Variants in INSR observed in about 807,000 individuals in gnomAD.
INSR encodes the protein insulin receptor, also known as IR.
INSR carries 67 observed loss-of-function variants against 142.6 expected under a neutral mutation model. The observed-to-expected ratio is 0.47, with a 90% CI of 0.39 to 0.58. The LOEUF is 0.58. Ranked by LOEUF, INSR falls within the 20% of genes least tolerant of loss-of-function variation. The pLI is 0.00. For missense variants in INSR, 1,248 were observed against 1,833.2 expected (o/e 0.68, Z 5.83); for synonymous variants, 756 against 743.1 (o/e 1.02, Z -0.28).
rs1277506999 is a variant in INSR, at chr19:7,184,474, G to A, written c.816C>T (p.Tyr272=). The A allele has an allele frequency of 1.2e-6, 2 of 1,613,958 alleles. No homozygotes were observed. Among genetic ancestry groups the A allele is most frequent in the Non-Finnish European group, 1.7e-6 (2 of 1,180,024 alleles). ...GRCVETCPPP[Y]YHFQDWRCVN... ...CACAGCGCCAGTCCTGGAAGTGGTA[G>A]TACGGGGGCGGGCAGGTCTCCACAC... The change falls in exon 3 of 22, where the codon TAC becomes TAT. Residue 272 remains tyrosine (Y), a synonymous_variant. Transcript: ENST00000302850.
In INSR at chr19:7,119,888, G is replaced by GCACACACATA. The variant is rs1972445358; in HGVS notation, c.3660-315_3660-306dup. ...TGCAAACACACACAAACACACATAT[G>GCACACACATA]CACACACATACACACACAAACACAC... is the stretch of plus-strand genomic sequence containing the variant. On this transcript the variant is annotated intron_variant, in intron 20 of 21. Transcript: ENST00000302850. The surrounding 1 kb of genome is among the most constrained non-coding windows in gnomAD (Gnocchi z 5.2). Among the ~76,000 whole-genome samples the GCACACACATA allele has an allele frequency of 6.6e-6, 1 of 150,814 alleles. No homozygotes were observed. The highest frequency in any genetic ancestry group is 6.6e-5 in the Admixed American group (1 of 15,152).
chr19:7,195,985 G>C (rs1171919534), intron 2 of INSR, among the ~76,000 whole-genome samples: 1 of 150,788 alleles, frequency 6.6e-6, no homozygotes, highest in Non-Finnish European at 1.5e-5. Flanking sequence ...GCCCAGGCTG[G>C]AGTGCAATGG....
At chr19:7,193,109 T>TC (rs2145015545) in intron 2 of INSR, among the ~76,000 whole-genome samples, 1 of 141,904 alleles carries the variant, frequency 7.0e-6, no homozygotes, top group South Asian at 2.2e-4. Flanking sequence ...ATGCAGTATT[T>TC]CTTTTTTTTC....
intron 1 of INSR, among the ~76,000 whole-genome samples, chr19:7,274,651 A>G (rs1306526320): frequency 6.6e-6 from 1 of 151,712 alleles, no homozygotes; most frequent in Non-Finnish European, 1.5e-5. Flanking sequence ...ATACAAAAAA[A>G]AAATAGCTGG....
chr19:7,290,931 G>A (rs1398930322), intron 1 of INSR, among the ~76,000 whole-genome samples: 2 of 151,990 alleles, frequency 1.3e-5, no homozygotes, highest in Non-Finnish European at 2.9e-5. Flanking sequence ...ATAAGCCGGT[G>A]TTGTGGAACA....
Position 7,116,700 on chromosome 19 carries a change from C to CA in INSR, c.*355dup, listed in dbSNP as rs71177157. The CA allele has an allele frequency of 0.011, 569 of 50,504 alleles. 16 individuals are homozygous for CA. Among genetic ancestry groups the CA allele is most frequent in the African/African-American group, 0.026 (368 of 14,240 alleles). The allele number at this position is 50,504 out of a possible 1,614,324, so 3.1% of individuals were successfully genotyped here. A position where few individuals can be genotyped will look rare whatever the true frequency, so the allele number is the denominator to read the frequency against. ...TTTTATACTGAAGCTCAGACACCAG[C>CA]AAAAAAAAAAAAAAAAAAAAAGAAT... On this transcript the variant is annotated 3_prime_UTR_variant, in exon 22 of 22. Transcript: ENST00000302850.
At chr19:7,232,574 G>A (rs991703563) in intron 2 of INSR, among the ~76,000 whole-genome samples, 3 of 152,150 alleles carry the variant, frequency 2.0e-5, no homozygotes, top group Admixed American at 6.6e-5. Context: ...AGCACTTTGG[G>A]AGGCTGAGGG....
chr19:7,266,159 G>T (rs1293172509), intron 2 of INSR, among the ~76,000 whole-genome samples: 3 of 152,122 alleles, frequency 2.0e-5, no homozygotes, highest in Non-Finnish European at 4.4e-5. Context: ...AATTATGAAA[G>T]ATTTTTCAAA....
intron 2 of INSR, among the ~76,000 whole-genome samples, chr19:7,219,441 T>C (rs540475926): frequency 4.0e-5 from 5 of 124,870 alleles, no homozygotes; most frequent in Non-Finnish European, 6.4e-5. Flanking sequence ...AGCTCAGTTA[T>C]ACAGAGAGAA....
chr19:7,287,316 C>T (rs1366170466), intron 1 of INSR, among the ~76,000 whole-genome samples: 2 of 151,986 alleles, frequency 1.3e-5, no homozygotes, highest in African/African-American at 4.8e-5. Context: ...TGCGCCACCA[C>T]GCCTGGCTAA....
chr19:7,269,594 C>G (rs1967855077), intron 1 of INSR, among the ~76,000 whole-genome samples: 1 of 151,614 alleles, frequency 6.6e-6, no homozygotes, highest in South Asian at 2.1e-4. Flanking sequence ...TCCCAGCCCC[C>G]CCACCCCTCC....
At chr19:7,190,806 T>C (rs1974561461) in intron 2 of INSR, among the ~76,000 whole-genome samples, 1 of 152,192 alleles carries the variant, frequency 6.6e-6, no homozygotes, top group African/African-American at 2.4e-5. Context: ...CAATGGTTGC[T>C]ATAATAAGTA....
chr19:7,256,009 A>G (rs994482433), intron 2 of INSR, among the ~76,000 whole-genome samples: 22 of 152,168 alleles, frequency 1.4e-4, no homozygotes, highest in Admixed American at 1.4e-3. Context: ...AGGAGCCGGG[A>G]GCCCAGAAAC....
At chr19:7,194,011 T>G (rs182134374) in intron 2 of INSR, among the ~76,000 whole-genome samples, 85 of 152,302 alleles carry the variant, frequency 5.6e-4, no homozygotes, top group African/African-American at 2.0e-3. Context: ...AATACATTTT[T>G]CAAAAGCCTC....
intron 2 of INSR, among the ~76,000 whole-genome samples, chr19:7,235,601 C>A (rs1364631405): frequency 2.0e-5 from 3 of 151,154 alleles, no homozygotes; most frequent in African/African-American, 4.9e-5. Flanking sequence ...TGTAATCCAA[C>A]ACTTTGGAAG....
intron 2 of INSR, among the ~76,000 whole-genome samples, chr19:7,199,775 A>G (rs1292549958): frequency 6.6e-6 from 1 of 151,822 alleles, no homozygotes; most frequent in Non-Finnish European, 1.5e-5. Flanking sequence ...CCCTCTTGGC[A>G]TTGGAATGCA....
chr19:7,142,743 G>A, intron 12 of INSR, 73 bp downstream of exon 12: 2 of 1,546,792 alleles, frequency 1.3e-6, no homozygotes, highest in South Asian at 1.1e-5. Context: ...ACTGCTTAGA[G>A]GGTGGAGAAT....
In INSR at chr19:7,143,128, CCAT is replaced by C. The variant is rs757794268; in HGVS notation, c.2268-41_2268-39del. 689 of 1,610,106 alleles carry C rather than the reference CCAT, an allele frequency of 4.3e-4. 1 individual carries two copies. The highest frequency in any genetic ancestry group is 4.8e-4 in the Non-Finnish European group (570 of 1,178,280). ...TAGGACATGTATGATGACACCATCA[CCAT>C]CATTTTTTTTAAAAAAGTGACACTG... On this transcript the variant is annotated intron_variant, in intron 11 of 21. Transcript: ENST00000302850.
rs13306455 is a variant in INSR at position 7,184,710 on chromosome 19, C to T, written c.653-73G>A. 174,868 of 1,109,232 alleles carry T rather than the reference C, an allele frequency of 0.16. 15,908 individuals carry two copies. Among genetic ancestry groups the T allele is most frequent in the Admixed American group, 0.18 (5,772 of 32,080 alleles). The allele number at this position is 1,109,232 out of a possible 1,614,324, so 68.7% of individuals were successfully genotyped here. A position where few individuals can be genotyped will look rare whatever the true frequency, so the allele number is the denominator to read the frequency against. On this transcript the variant is annotated intron_variant, in intron 2 of 21. Transcript: ENST00000302850. ...AATAAATAAATAAATAAATAAATGGCTTTGTCCAATTCCTGTCTGCATATG... is the reference window on the plus strand; with the variant it reads ...AATAAATAAATAAATAAATAAATGGTTTTGTCCAATTCCTGTCTGCATATG...
Sources: allele counts gnomAD v4.1 joint callset (sites outside exome capture counted in the v4.1 genomes callset), GRCh38; gene constraint gnomAD v4.1.1; non-coding constraint Gnocchi (gnomAD v3.1); transcripts MANE v1.5; gene names NCBI Gene and HGNC (gene_info 2026-07-23, HGNC 2026-07-21).